Variants in SNTG1 observed in about 807,000 individuals in gnomAD.
SNTG1 encodes the protein syntrophin gamma 1, also known as gamma-1-syntrophin.
SNTG1 carries 39 observed loss-of-function variants against 74.7 expected under a neutral mutation model. That is an observed-to-expected ratio of 0.52 (90% CI 0.40 to 0.68). The LOEUF is 0.68. Among genes scored for constraint, SNTG1 ranks in the 30% least tolerant of loss-of-function variants. The probability of loss-of-function intolerance (pLI) is 0.00; values close to 1 mark genes in which losing one functional copy is unlikely to be tolerated. For missense variants in SNTG1, 685 were observed against 609.5 expected, an observed-to-expected ratio of 1.12 and a Z score of -1.30; for synonymous variants, 254 against 217.1, an observed-to-expected ratio of 1.17 and a Z score of -1.49.
chr8:50,355,314 C>T (rs548061633), intron 2 of SNTG1, among the ~76,000 whole-genome samples: 48 of 152,124 alleles, frequency 3.2e-4, no homozygotes, highest in African/African-American at 1.0e-3. Flanking sequence ...CACCTCCAAT[C>T]GAAATGACAG....
intron 18 of SNTG1, among the ~76,000 whole-genome samples, chr8:50,789,917 C>T (rs1392757995): frequency 6.6e-6 from 1 of 151,952 alleles, no homozygotes; most frequent in African/African-American, 2.4e-5. Flanking sequence ...CTTCTTAATT[C>T]ATTCCATTCC....
chr8:50,473,338 C>A (rs1289860787), intron 8 of SNTG1, among the ~76,000 whole-genome samples: 4 of 152,120 alleles, frequency 2.6e-5, no homozygotes, highest in Non-Finnish European at 4.4e-5. Flanking sequence ...CCTAGCCATG[C>A]TGCACTGTGA....
chr8:50,587,252 A>G (rs987551508), intron 12 of SNTG1, among the ~76,000 whole-genome samples: 1 of 151,936 alleles, frequency 6.6e-6, no homozygotes, highest in Non-Finnish European at 1.5e-5. Flanking sequence ...ATGCATATAT[A>G]TGTGTATATG....
chr8:50,310,370 C>A (rs2090062079), intron 2 of SNTG1, among the ~76,000 whole-genome samples: 1 of 152,078 alleles, frequency 6.6e-6, no homozygotes, highest in Admixed American at 6.5e-5. Flanking sequence ...TTTCAAGAAG[C>A]TTAAACAGTC....
At chr8:49,962,114 G>A (rs1380235797) in intron 1 of SNTG1, among the ~76,000 whole-genome samples, 1 of 152,108 alleles carries the variant, frequency 6.6e-6, no homozygotes, top group African/African-American at 2.4e-5. Context: ...CCCTGTGGAA[G>A]GCAGCTAAGG....
chr8:50,323,312 C>T (rs114168777), intron 2 of SNTG1, among the ~76,000 whole-genome samples: 2 of 152,110 alleles, frequency 1.3e-5, no homozygotes, highest in African/African-American at 4.8e-5. Flanking sequence ...TCTGAAAGGT[C>T]GTATATCTCT....
At chr8:50,510,749 A>G (rs1377838598) in intron 9 of SNTG1, among the ~76,000 whole-genome samples, 1 of 151,928 alleles carries the variant, frequency 6.6e-6, no homozygotes, top group Non-Finnish European at 1.5e-5. Context: ...TTTCTGTGGG[A>G]TCGGTGGTGA....
At chr8:50,249,866 G>T (rs2086568670) in intron 2 of SNTG1, among the ~76,000 whole-genome samples, 3 of 152,060 alleles carry the variant, frequency 2.0e-5, no homozygotes, top group African/African-American at 2.4e-5. Context: ...AAAAGAAATT[G>T]TTCTACTAGA....
intron 1 of SNTG1, among the ~76,000 whole-genome samples, chr8:50,098,572 G>C (rs1462632029): frequency 1.3e-5 from 2 of 152,100 alleles, no homozygotes; most frequent in African/African-American, 4.8e-5. Flanking sequence ...CGTGGATTTT[G>C]TTTTCTGTGG....
intron 1 of SNTG1, among the ~76,000 whole-genome samples, chr8:50,057,540 G>A (rs894462025): frequency 6.6e-6 from 1 of 152,008 alleles, no homozygotes; most frequent in African/African-American, 2.4e-5. Flanking sequence ...TACTAACCTG[G>A]GAAAATTACA....
At chr8:49,916,858 C>A (rs1345682234) in intron 1 of SNTG1, among the ~76,000 whole-genome samples, 2 of 150,460 alleles carry the variant, frequency 1.3e-5, no homozygotes, top group African/African-American at 2.4e-5. Context: ...AAAAAAAAAA[C>A]ATAAAAAATA....
chr8:50,350,261 C>T (rs1040653160), intron 2 of SNTG1, among the ~76,000 whole-genome samples: 1 of 152,138 alleles, frequency 6.6e-6, no homozygotes, highest in Non-Finnish European at 1.5e-5. Context: ...CCCTGCTCCA[C>T]CGGAGCCCAG....
intron 13 of SNTG1, among the ~76,000 whole-genome samples, chr8:50,596,044 T>G (rs1239000153): frequency 6.6e-6 from 1 of 152,056 alleles, no homozygotes. Context: ...TTTAAGAAAC[T>G]GCAGAACTGT....
intron 4 of SNTG1, among the ~76,000 whole-genome samples, chr8:50,425,230 C>T (rs557339242): frequency 1.6e-5 from 1 of 62,200 alleles, no homozygotes; most frequent in South Asian, 5.6e-4. Context: ...ACACAGGGGT[C>T]CCAACTGGTA....
chr8:50,620,725 T>A (rs548429473), intron 13 of SNTG1, among the ~76,000 whole-genome samples: 13 of 152,202 alleles, frequency 8.5e-5, no homozygotes, highest in Non-Finnish European at 1.2e-4. Context: ...TGGAGGAGAC[T>A]GGGTAGCAAC....
intron 9 of SNTG1, among the ~76,000 whole-genome samples, chr8:50,509,416 C>G (rs921892425): frequency 6.6e-6 from 1 of 152,264 alleles, no homozygotes; most frequent in East Asian, 1.9e-4. Context: ...TTTGGTTCCA[C>G]ATGAACTTTA....
chr8:49,921,211 A>T (rs1454238637), intron 1 of SNTG1, among the ~76,000 whole-genome samples: 1 of 152,100 alleles, frequency 6.6e-6, no homozygotes, highest in African/African-American at 2.4e-5. Context: ...AAAAGTAAGA[A>T]AAAAATAAGA....
chr8:50,758,504 G>C (rs1426963311), intron 18 of SNTG1, among the ~76,000 whole-genome samples: 2 of 151,880 alleles, frequency 1.3e-5, no homozygotes, highest in South Asian at 2.1e-4. Context: ...TCCAGTGTGT[G>C]TTGTCTCCTT....
intron 17 of SNTG1, chr8:50,747,672 GA>G (rs938458418): frequency 7.2e-5 from 11 of 151,786 alleles, no homozygotes; most frequent in Admixed American, 4.6e-4. Flanking sequence ...ATCTGTTGAA[GA>G]AAAATGCCAA....
Sources: allele counts gnomAD v4.1 joint callset (sites outside exome capture counted in the v4.1 genomes callset), GRCh38; gene constraint gnomAD v4.1.1; transcripts MANE v1.5; gene names NCBI Gene and HGNC (gene_info 2026-07-23, HGNC 2026-07-21).